NLRP6: variants seen among roughly 807,000 people sequenced by gnomAD.
NLRP6 encodes NLR family pyrin domain containing 6, also known as NACHT, LRR and PYD domains-containing protein 6.
In NLRP6, 55 loss-of-function variants were observed where a neutral mutation model predicts 70.9. That is an observed-to-expected ratio of 0.78 (90% CI 0.62 to 0.97). NLRP6 has a LOEUF of 0.97. Ranked by LOEUF, NLRP6 falls within the 50% of genes least tolerant of loss-of-function variation. The pLI is 0.00. For synonymous variants in NLRP6, 652 were observed against 581.9 expected, an observed-to-expected ratio of 1.12 and a Z score of -1.73; for missense variants, 1,241 against 1,238.3, an observed-to-expected ratio of 1.00 and a Z score of -0.03.
chr11:279,936 CG>C, intron 3 of NLRP6, 64 bp downstream of exon 3: 16 of 1,452,624 alleles, frequency 1.1e-5, no homozygotes, highest in African/African-American at 3.0e-5. Context: ...CGGGGAGGAC[CG>C]GGGTGGGAGG....
intron 7 of NLRP6, 95 bp downstream of exon 7, chr11:284,737 G>T (rs1387206923): frequency 8.1e-7 from 1 of 1,234,368 alleles, no homozygotes; most frequent in African/African-American, 1.5e-5. Flanking sequence ...CTGAAGAGGG[G>T]CCCCTCCCAG....
At chr11:281,864 C>T (rs1440265194) in intron 4 of NLRP6, 25 bp downstream of exon 4, 1 of 1,542,016 alleles carries the variant, frequency 6.5e-7, no homozygotes, top group East Asian at 2.3e-5. Flanking sequence ...CAGAGATACT[C>T]TCTTGTGTGT....
chr11:280,268 C>G lies in NLRP6; in HGVS notation c.534C>G (p.Asp178Glu), dbSNP rs1441975986. 6.6e-6 allele frequency: 10 copies of G among 1,522,380 alleles called. No individual in the cohort carries two copies. The highest frequency in any genetic ancestry group is 7.0e-6 in the Non-Finnish European group (8 of 1,135,642). 94.3% of individuals were successfully genotyped at this position (1,522,380 alleles called of 1,614,324 possible). ...AGCCGGGGCGCGCGCGGCGCTCGGACACGCACACTTTCAACCGCCTCTTCC... is the reference window on the plus strand; with the variant it reads ...AGCCGGGGCGCGCGCGGCGCTCGGAGACGCACACTTTCAACCGCCTCTTCC... ...EPEPGRARRS[D>E]THTFNRLFRR... The change falls in exon 4 of 8, where the codon GAC (aspartate) becomes GAG (glutamate). Residue 178 changes from aspartate (D) to glutamate (E), a missense_variant. Transcript: ENST00000534750.
In NLRP6 at chr11:280,947, G is replaced by A. The variant is rs746704405; in HGVS notation, c.1213G>A (p.Gly405Ser). 6.2e-7 allele frequency: 1 copy of A among 1,613,274 alleles called. No individual in the cohort carries two copies. Among genetic ancestry groups the A allele is most frequent in the Non-Finnish European group, 8.5e-7 (1 of 1,179,974 alleles). The change falls in exon 4 of 8, where the codon GGT (glycine) becomes AGT (serine). Residue 405 changes from glycine (G) to serine (S), a missense_variant. Physicochemically the swap from Gly to Ser is moderately conservative, Grantham distance 56. Coordinates refer to ENST00000534750, the MANE Select transcript of NLRP6 (RefSeq NM_001276700.2). ...CGTGCTGCGCCAGCAGCTGGAGCTC[G>A]GTCGGGACCTGTCGCGCACGTCCAA... is the stretch of plus-strand genomic sequence containing the variant. ...CTVLRQQLELGRDLSRTSKTT... is the reference protein window; with the variant it reads ...CTVLRQQLELSRDLSRTSKTT...
rs1355865360 is a variant in NLRP6, at chr11:279,495, G to A, written c.198G>A (p.Glu66=). The A allele has an allele frequency of 1.3e-5, 19 of 1,450,174 alleles. No individual in the cohort carries two copies. In the South Asian group the frequency reaches 2.4e-4, roughly 19 times the overall value. The allele number at this position is 1,450,174 out of a possible 1,614,324, so 89.8% of individuals were successfully genotyped here. A position where few individuals can be genotyped will look rare whatever the true frequency, so the allele number is the denominator to read the frequency against. The part of the protein sequence containing the change: ...LERADAVDLA[E]QLAQFYGPEP... ...GCGCGGACGCCGTGGACCTCGCGGA[G>A]CAGCTGGCCCAGTTCTACGGCCCGG... Residue 66 remains glutamate, a synonymous_variant, in exon 2 of 8, where the codon GAG becomes GAA. Transcript: ENST00000534750.
intron 2 of NLRP6, 110 bp downstream of exon 2, chr11:279,717 A>C (rs1179960565): frequency 1.5e-6 from 2 of 1,347,934 alleles, no homozygotes; most frequent in Middle Eastern, 3.9e-4. Flanking sequence ...CGTTTTATCC[A>C]CAAATTCGCG....
intron 4 of NLRP6, 137 bp downstream of exon 4, chr11:281,976 C>T: frequency 1.4e-6 from 1 of 714,114 alleles, no homozygotes; most frequent in Non-Finnish European, 2.2e-6. Flanking sequence ...AGGCTTTGAC[C>T]ACCTCCTTGC....
At chr11:280,023 G>A (rs1403166750) in intron 3 of NLRP6, 61 bp from the exon 4 acceptor site, 13 of 1,428,240 alleles carry the variant, frequency 9.1e-6, no homozygotes, top group Non-Finnish European at 1.1e-5. Flanking sequence ...GTGGGCTCCC[G>A]GAGGGCGCAG....
At position 280,750 on chromosome 11, in the gene NLRP6, G is replaced by A; in HGVS notation, c.1016G>A (p.Cys339Tyr). 1 of 1,606,712 alleles carries A rather than the reference G, an allele frequency of 6.2e-7. No homozygotes were observed. Among genetic ancestry groups the A allele is most frequent in the Middle Eastern group, 1.7e-4 (1 of 6,008 alleles). ...CCCGGGAGGCTGCAGGGCCGCCTGT[G>A]TTCCCCGCAGTGCGCCGAGGTGCGC... Reference protein sequence around the residue: ...AAPGRLQGRLCSPQCAEVRGF... With the variant: ...AAPGRLQGRLYSPQCAEVRGF... Residue 339 changes from cysteine (C) to tyrosine (Y), a missense_variant, in exon 4 of 8, where the codon TGT becomes TAT. Physicochemically the swap from Cys to Tyr is radical, Grantham distance 194. Coordinates refer to ENST00000534750, the MANE Select transcript of NLRP6 (RefSeq NM_001276700.2).
chr11:283,924 T>C (rs897305362), intron 5 of NLRP6, among the ~76,000 whole-genome samples: 1 of 151,014 alleles, frequency 6.6e-6, no homozygotes, highest in African/African-American at 2.4e-5. Context: ...CATTAGGGAA[T>C]AGCGGACTAA....
At chr11:285,141 G>T (rs201997582) in intron 7 of NLRP6, 25 bp from the exon 8 acceptor site, 1 of 1,566,612 alleles carries the variant, frequency 6.4e-7, no homozygotes, top group Non-Finnish European at 8.6e-7. Context: ...CGCTGACCCC[G>T]CTTCTGCTCT....
intron 4 of NLRP6, 95 bp from the exon 5 acceptor site, chr11:282,610 G>C (rs1564833614): frequency 1.0e-6 from 1 of 975,274 alleles, no homozygotes; most frequent in Non-Finnish European, 1.7e-6. Context: ...AGGAGGGGCA[G>C]CTCTGAGACC....
chr11:279,281 T>C (rs1000905421), intron 1 of NLRP6, 46 bp from the exon 2 acceptor site: 2 of 586,660 alleles, frequency 3.4e-6, no homozygotes, highest in Non-Finnish European at 4.5e-6. Context: ...CGGGCGGGGG[T>C]CACCCGAGGG....
In NLRP6 at chr11:280,596, G is replaced by T; in HGVS notation, c.862G>T (p.Gly288Trp). 1 of 1,447,338 alleles carries T rather than the reference G, an allele frequency of 6.9e-7. No individual in the cohort carries two copies. Among genetic ancestry groups the T allele is most frequent in the South Asian group, 1.4e-5 (1 of 69,358 alleles). The allele number at this position is 1,447,338 out of a possible 1,614,324, so 89.7% of individuals were successfully genotyped here. The change falls in exon 4 of 8, where the codon GGG (glycine) becomes TGG (tryptophan). Residue 288 changes from glycine (G) to tryptophan (W), a missense_variant. Gly to Trp is a radical substitution (Grantham distance 184). Coordinates refer to ENST00000534750, the MANE Select transcript of NLRP6 (RefSeq NM_001276700.2). ...CGGCGCGGACGAGCTGCCGGCGCTGGGGGGCCCCGAGGCCGCGCCCTGCAC... is the reference window on the plus strand; with the variant it reads ...CGGCGCGGACGAGCTGCCGGCGCTGTGGGGCCCCGAGGCCGCGCCCTGCAC... ...LDGADELPAL[G>W]GPEAAPCTDP... is the part of the protein sequence containing the mutation.
chr11:281,377 T>C lies in NLRP6; in HGVS notation c.1643T>C (p.Phe548Ser), dbSNP rs1430613165. 6.2e-7 allele frequency: 1 copy of C among 1,610,490 alleles called. No homozygotes were observed. The highest frequency in any genetic ancestry group is 1.3e-5 in the African/African-American group (1 of 74,914). Reference sequence around the variant, plus strand: ...TTGGTGCTCACCACGCGCTTCCTCTTCGGACTGCTGAGCGCGGAGCGGATG... The same window carrying C: ...TTGGTGCTCACCACGCGCTTCCTCTCCGGACTGCTGAGCGCGGAGCGGATG... ...SHLVLTTRFL[F>S]GLLSAERMRD... The change falls in exon 4 of 8, where the codon TTC (phenylalanine) becomes TCC (serine). Residue 548 changes from phenylalanine to serine, a missense_variant. By Grantham distance (155) the Phe-to-Ser change is radical (BLOSUM62 -2). Transcript: ENST00000534750.
At position 279,621 on chromosome 11, in the gene NLRP6, G is replaced by T. The variant is rs778094601; in HGVS notation, c.310+14G>T. The T allele has an allele frequency of 2.2e-6, 3 of 1,392,358 alleles. No homozygotes were observed. The Admixed American group carries it at 1.0e-4, about 47-fold the overall frequency. The allele number at this position is 1,392,358 out of a possible 1,614,324, so 86.3% of individuals were successfully genotyped here. A position where few individuals can be genotyped will look rare whatever the true frequency, so the allele number is the denominator to read the frequency against. ...GGCGGCTGCAGCGTGAGTTCTGCGC[G>T]GGAGGTCCCTCCTGTCTGGGCAGAG... is the stretch of plus-strand genomic sequence containing the variant. On this transcript the variant is annotated intron_variant, in intron 2 of 7. Transcript: ENST00000534750.
rs555530570 is a variant in NLRP6, at chr11:278,427, A to C, written c.-143A>C. On this transcript the variant is annotated 5_prime_UTR_variant, in exon 1 of 8. Coordinates refer to ENST00000534750, the MANE Select transcript of NLRP6 (RefSeq NM_001276700.2). The surrounding 1 kb of genome is among the most constrained non-coding windows in gnomAD (Gnocchi z 4.7). ...ACGGTGCCCAACAGCATCTCGTGCC[A>C]GCTGAGCTGCGGTGTGTGGACCCGG... The C allele has an allele frequency of 2.5e-5, 15 of 602,314 alleles. No individual in the cohort carries two copies. The highest frequency in any genetic ancestry group is 4.3e-5 in the Non-Finnish European group (15 of 347,770). The allele number at this position is 602,314 out of a possible 1,614,324, so 37.3% of individuals were successfully genotyped here.
At chr11:279,729 G>A in intron 2 of NLRP6, 105 bp from the exon 3 acceptor site, 4 of 1,350,580 alleles carry the variant, frequency 3.0e-6, no homozygotes, top group South Asian at 1.6e-5. Context: ...AAATTCGCGG[G>A]CCCCAGGGGT....
In NLRP6 at chr11:278,470, A is replaced by G. The variant is rs2134005750; in HGVS notation, c.-100A>G. ...GGACCCGGGGAATGGACCGGGCTGG[A>G]CAACCTCTAAGACTTGGCTCCAGCT... On this transcript the variant is annotated 5_prime_UTR_variant, in exon 1 of 8. Coordinates refer to ENST00000534750, the MANE Select transcript of NLRP6 (RefSeq NM_001276700.2). This position sits in a 1 kb window ranked among gnomAD's most constrained non-coding sequence, Gnocchi z 4.7. 2.9e-6 allele frequency: 3 copies of G among 1,035,646 alleles called. No individual in the cohort carries two copies. Among genetic ancestry groups the G allele is most frequent in the South Asian group, 1.8e-5 (1 of 54,344 alleles). 64.2% of individuals were successfully genotyped at this position (1,035,646 alleles called of 1,614,324 possible). A position where few individuals can be genotyped will look rare whatever the true frequency, so the allele number is the denominator to read the frequency against.
Sources: gnomAD v4.1 joint callset for allele counts (sites outside exome capture counted in the v4.1 genomes callset) on GRCh38, gnomAD v4.1.1 for gene constraint, Gnocchi (gnomAD v3.1) non-coding constraint, MANE v1.5 for transcripts, NCBI Gene and HGNC (gene_info 2026-07-23, HGNC 2026-07-21) for gene names.